The following ZNF75D variants were observed in gnomAD, a reference collection of about 807,000 sequenced individuals.
ZNF75D encodes zinc finger protein 75D.
A neutral mutation model predicts 33.3 loss-of-function variants in ZNF75D; 33 were observed. The ratio of observed to expected loss-of-function variants is 0.99; its 90% CI spans 0.75 to 1.32. ZNF75D has a LOEUF of 1.32. Among genes scored for constraint, ZNF75D ranks in the 40% most tolerant of loss-of-function variants. The pLI is 0.00. For missense variants in ZNF75D, 338 were observed against 367.5 expected, an observed-to-expected ratio of 0.92 and a Z score of 0.66; for synonymous variants, 113 against 130.6, an observed-to-expected ratio of 0.87 and a Z score of 0.92.
Position 135,293,794 on chromosome X carries a change from T to C in ZNF75D, c.347A>G (p.Asn116Ser), listed in dbSNP as rs1556421930. 3.3e-6 allele frequency: 4 copies of C among 1,206,710 alleles called. No individual in the cohort carries two copies. The highest frequency in any genetic ancestry group is 1.8e-5 in the South Asian group (1 of 56,495). ...QNWVQKHHPQ[N>S]VKQALVLVEF... ...CACCAGGACCAGAGCCTGTTTGACA[T>C]TCTGTGGATGATGCTTCTGCACCCA... is the stretch of plus-strand genomic sequence containing the variant. Residue 116 changes from asparagine (N) to serine (S), a missense_variant, in exon 3 of 7, where the codon AAT (asparagine) becomes AGT (serine). Asn to Ser is a conservative substitution (Grantham distance 46). This residue lies in a region of ZNF75D where 254 missense variants were observed against 267.7 expected (regional missense o/e 0.95). Coordinates refer to ENST00000370766, the MANE Select transcript of ZNF75D (RefSeq NM_007131.5).
chrX:135,340,163 A>G (rs1394797359), intron 1 of ZNF75D, among the ~76,000 whole-genome samples: 1 of 112,324 alleles, frequency 8.9e-6, no homozygotes, highest in Non-Finnish European at 1.9e-5. Context: ...GACTTTCCCA[A>G]GCTTTTTTCT....
At chrX:135,278,587 C>T (rs1442139973) in intron 1 of ZNF75D, among the ~76,000 whole-genome samples, 1 of 111,867 alleles carries the variant, frequency 8.9e-6, no homozygotes, top group African/African-American at 3.3e-5. Flanking sequence ...GGAATGCTCC[C>T]AGCTTTTGCC....
In ZNF75D at chrX:135,325,898, G is replaced by T. The variant is rs781870045; in HGVS notation, c.-391+15870C>A. ...TGCAGCCCCGGTGCAGGATCCACTG[G>T]GTGAAACCAGCTGGGCTCCTGAGTC... On this transcript the variant is annotated intron_variant, in intron 1 of 6. Transcript: ENST00000370766. Among the ~76,000 whole-genome samples, 2 of 112,586 alleles carry T rather than the reference G, an allele frequency of 1.8e-5. 1 individual carries two copies. The highest frequency in any genetic ancestry group is 7.3e-4 in the South Asian group (2 of 2,735).
At chrX:135,281,514 A>T (rs2083919766), downstream of ZNF75D, among the ~76,000 whole-genome samples, 1 of 110,865 alleles carries the variant, frequency 9.0e-6, no homozygotes, top group African/African-American at 3.3e-5. Flanking sequence ...TTCTCCGTCC[A>T]GTTTTGTTCT....
chrX:135,335,805 AT>A (rs1287243342), intron 1 of ZNF75D, among the ~76,000 whole-genome samples: 2 of 111,868 alleles, frequency 1.8e-5, no homozygotes, highest in African/African-American at 6.5e-5. Flanking sequence ...TGCCATCCAA[AT>A]AAATAAATAC....
chrX:135,324,253 T>C (rs2084533547), intron 1 of ZNF75D, among the ~76,000 whole-genome samples: 1 of 111,946 alleles, frequency 8.9e-6, no homozygotes, highest in African/African-American at 3.3e-5. Flanking sequence ...ACCCAATTGA[T>C]CTAAAAATAA....
intron 1 of ZNF75D, among the ~76,000 whole-genome samples, chrX:135,263,678 C>T (rs1355329529): frequency 2.7e-5 from 3 of 112,690 alleles, no homozygotes; most frequent in Admixed American, 1.9e-4. Flanking sequence ...GGGAAAAGTA[C>T]AGTATTTGGG....
intron 1 of ZNF75D, among the ~76,000 whole-genome samples, chrX:135,258,902 TC>T: frequency 8.9e-6 from 1 of 112,486 alleles, no homozygotes; most frequent in East Asian, 2.8e-4. Flanking sequence ...TGCCTAGGTT[TC>T]CTTCAAGGGT....
intron 1 of ZNF75D, among the ~76,000 whole-genome samples, chrX:135,301,293 T>C (rs2084215348): frequency 9.0e-6 from 1 of 111,222 alleles, no homozygotes; most frequent in Non-Finnish European, 1.9e-5. Flanking sequence ...GGAATACAAT[T>C]CAGGATGAGA....
At chrX:135,326,018 A>G (rs1254989321) in intron 1 of ZNF75D, among the ~76,000 whole-genome samples, 3 of 111,054 alleles carry the variant, frequency 2.7e-5, no homozygotes, top group East Asian at 2.9e-4. Context: ...GAATGCACCA[A>G]TCGACACTCT....
intron 1 of ZNF75D, among the ~76,000 whole-genome samples, chrX:135,306,515 G>A (rs2084288875): frequency 8.9e-6 from 1 of 111,751 alleles, no homozygotes; most frequent in Admixed American, 9.5e-5. Flanking sequence ...AGAATGACAA[G>A]CTCCCCCTCT....
chrX:135,306,098 C>T (rs781909334), intron 1 of ZNF75D, among the ~76,000 whole-genome samples: 2 of 110,772 alleles, frequency 1.8e-5, no homozygotes, highest in Non-Finnish European at 3.8e-5. Flanking sequence ...TCTGTGATTC[C>T]CAAGCTGTCT....
chrX:135,325,836 G>A (rs920506778), intron 1 of ZNF75D, among the ~76,000 whole-genome samples: 2 of 112,756 alleles, frequency 1.8e-5, no homozygotes, highest in Non-Finnish European at 3.8e-5. Context: ...GCTGAGGAGT[G>A]CGAGCGCATC....
chrX:135,338,687 G>T (rs1602670315), intron 1 of ZNF75D, among the ~76,000 whole-genome samples: 1 of 112,074 alleles, frequency 8.9e-6, no homozygotes, highest in African/African-American at 3.2e-5. Flanking sequence ...TCTACTGATA[G>T]AAGAAACTAC....
intron 1 of ZNF75D, among the ~76,000 whole-genome samples, chrX:135,302,694 T>C (rs782482199): frequency 1.2e-3 from 129 of 111,581 alleles, no homozygotes; most frequent in Admixed American, 5.0e-3. Context: ...TATAATGTGA[T>C]AGTGTGGTGC....
At chrX:135,300,949 G>C (rs147482761) in intron 1 of ZNF75D, among the ~76,000 whole-genome samples, 6 of 111,289 alleles carry the variant, frequency 5.4e-5, no homozygotes, top group African/African-American at 2.0e-4. Context: ...TATTCAACAG[G>C]CGTATTAGTC....
chrX:135,323,725 G>T (rs1157100347), intron 1 of ZNF75D, among the ~76,000 whole-genome samples: 1 of 111,559 alleles, frequency 9.0e-6, no homozygotes, highest in Non-Finnish European at 1.9e-5. Flanking sequence ...TTTTAAGGAT[G>T]ACCCCAATCC....
intron 1 of ZNF75D, among the ~76,000 whole-genome samples, chrX:135,311,465 A>T (rs893000586): frequency 1.8e-5 from 2 of 112,494 alleles, no homozygotes; most frequent in Non-Finnish European, 3.8e-5. Context: ...CATGCTTTGA[A>T]ATGTGTATAC....
At chrX:135,307,060 T>C (rs1429208214) in intron 1 of ZNF75D, among the ~76,000 whole-genome samples, 2 of 111,483 alleles carry the variant, frequency 1.8e-5, no homozygotes, top group Non-Finnish European at 3.8e-5. Flanking sequence ...CATCTATCAA[T>C]CAACCTCTCC....
Sources: gnomAD v4.1 joint callset for allele counts (sites outside exome capture counted in the v4.1 genomes callset) on GRCh38, gnomAD v4.1.1 for gene constraint, gnomAD v4.1.1 regional missense constraint, MANE v1.5 for transcripts, NCBI Gene and HGNC (gene_info 2026-07-23, HGNC 2026-07-21) for gene names.